Variants in TESK2 observed in about 807,000 individuals in gnomAD.
TESK2 encodes dual specificity testis-specific protein kinase 2.
A neutral mutation model predicts 57.1 loss-of-function variants in TESK2; 39 were observed. That is an observed-to-expected ratio of 0.68 (90% CI 0.53 to 0.89). The LOEUF (loss-of-function observed/expected upper bound fraction) is 0.89. Among genes scored for constraint, TESK2 ranks in the 40% least tolerant of loss-of-function variants. TESK2 has a pLI of 0.00. For missense variants in TESK2, 646 were observed against 732.1 expected (o/e 0.88, Z 1.36); for synonymous variants, 249 against 267.9 (o/e 0.93, Z 0.69).
At position 45,344,861 on chromosome 1, in the gene TESK2, G is replaced by A. The variant is rs1355592145; in HGVS notation, c.1695C>T (p.Thr565=). 2 of 1,613,012 alleles carry A rather than the reference G, an allele frequency of 1.2e-6. No homozygotes were observed. Among genetic ancestry groups the A allele is most frequent in the Non-Finnish European group, 8.5e-7 (1 of 1,179,950 alleles). Reference sequence around the variant, plus strand: ...CCCCTCACCCATCCTGCTTTCCCTGGGTTTGCAGGCCTATGCCTGAGGTGG... The same window carrying A: ...CCCCTCACCCATCCTGCTTTCCCTGAGTTTGCAGGCCTATGCCTGAGGTGG... ...TFSTSGIGLQ[T]QGKQDG Residue 565 remains threonine, a synonymous_variant, in exon 11 of 11, where the codon ACC becomes ACT. Coordinates refer to ENST00000372086, the MANE Select transcript of TESK2 (RefSeq NM_007170.3).
intron 1 of TESK2, among the ~76,000 whole-genome samples, chr1:45,470,832 A>T (rs1331045706): frequency 6.6e-6 from 1 of 152,226 alleles, no homozygotes; most frequent in African/African-American, 2.4e-5. Flanking sequence ...AGTGCTTTAC[A>T]TTTAATATCC....
Position 45,421,901 on chromosome 1 carries a change from G to C in TESK2, c.223-55C>G, listed in dbSNP as rs1227702012. 22 of 1,581,368 alleles carry C rather than the reference G, an allele frequency of 1.4e-5. No homozygotes were observed. In the Admixed American group the frequency reaches 3.5e-4, roughly 25 times the overall value. ...GGTCAAGGGCAATAGTTATATGTGA[G>C]GTCAACATCTCCAAATGTACAATAT... On this transcript the variant is annotated intron_variant, in intron 2 of 10. Transcript: ENST00000372086.
chr1:45,358,724 A>G (rs555529969), intron 4 of TESK2, among the ~76,000 whole-genome samples: 1 of 152,156 alleles, frequency 6.6e-6, no homozygotes, highest in East Asian at 1.9e-4. Context: ...AAATCCAATC[A>G]TCGTGCTATG....
chr1:45,472,251 CAA>C (rs10605872), intron 1 of TESK2, among the ~76,000 whole-genome samples: 27,992 of 123,610 alleles, frequency 0.23, 3,039 homozygotes, highest in Middle Eastern at 0.28. Context: ...GACTCCATCT[CAA>C]AAAAAAAAAA....
At chr1:45,380,379 G>T (rs997852820) in intron 4 of TESK2, among the ~76,000 whole-genome samples, 1 of 152,098 alleles carries the variant, frequency 6.6e-6, no homozygotes, top group African/African-American at 2.4e-5. Flanking sequence ...GCACTAACAG[G>T]TTCCCAAACT....
intron 4 of TESK2, among the ~76,000 whole-genome samples, chr1:45,380,092 G>A (rs978791886): frequency 5.3e-5 from 8 of 152,044 alleles, no homozygotes; most frequent in African/African-American, 1.7e-4. Context: ...TAGAGACGGA[G>A]TTTCACCATG....
At chr1:45,369,632 T>C (rs1400357360) in intron 4 of TESK2, among the ~76,000 whole-genome samples, 3 of 151,856 alleles carry the variant, frequency 2.0e-5, no homozygotes, top group African/African-American at 7.3e-5. Flanking sequence ...GCAGAGAGGA[T>C]GCGGCCGAGA....
chr1:45,344,795 T>G lies in TESK2; in HGVS notation c.*45A>C, dbSNP rs754131108. On this transcript the variant is annotated 3_prime_UTR_variant, in exon 11 of 11. Transcript: ENST00000372086. Reference sequence around the variant, plus strand: ...TGTGCACCTAGGGGGCCATATGGTTTCAGCTGAAGGTCCATCCCCAAGGTG... The same window carrying G: ...TGTGCACCTAGGGGGCCATATGGTTGCAGCTGAAGGTCCATCCCCAAGGTG... 2 of 1,538,082 alleles carry G rather than the reference T, an allele frequency of 1.3e-6. No homozygotes were observed. The highest frequency in any genetic ancestry group is 2.4e-5 in the South Asian group (2 of 83,272).
chr1:45,423,261 C>A (rs1019888721), intron 2 of TESK2, among the ~76,000 whole-genome samples: 19 of 152,170 alleles, frequency 1.2e-4, no homozygotes, highest in Admixed American at 3.3e-4. Flanking sequence ...CCCCCAAGTA[C>A]CATAAAAATC....
At chr1:45,427,332 A>T (rs1396011575) in intron 2 of TESK2, among the ~76,000 whole-genome samples, 2 of 152,100 alleles carry the variant, frequency 1.3e-5, no homozygotes, top group Non-Finnish European at 2.9e-5. Flanking sequence ...TGGTATAGCC[A>T]CTATGGAGAA....
At chr1:45,386,833 T>C (rs1333841259) in intron 3 of TESK2, among the ~76,000 whole-genome samples, 1 of 152,144 alleles carries the variant, frequency 6.6e-6, no homozygotes, top group Non-Finnish European at 1.5e-5. Context: ...TTTGTATTTT[T>C]AGTAGAGACG....
intron 4 of TESK2, among the ~76,000 whole-genome samples, chr1:45,367,140 TAAATA>T (rs148841004): frequency 9.9e-5 from 15 of 151,674 alleles, no homozygotes; most frequent in African/African-American, 3.6e-4. Flanking sequence ...TCTCAAAAAA[TAAATA>T]AAATAAAATA....
At chr1:45,359,035 TATATCTTAATAC>T (rs1647564924) in intron 4 of TESK2, among the ~76,000 whole-genome samples, 2 of 152,252 alleles carry the variant, frequency 1.3e-5, no homozygotes, top group South Asian at 4.1e-4. Context: ...GCCTAAAATT[TATATCTTAATAC>T]ATATTTTTGG....
At chr1:45,487,200 G>A (rs1439598017) in intron 1 of TESK2, among the ~76,000 whole-genome samples, 2 of 152,052 alleles carry the variant, frequency 1.3e-5, no homozygotes, top group African/African-American at 4.8e-5. Context: ...GTGTTTGAGG[G>A]TCTATCCCAA....
At chr1:45,476,091 AT>A (rs1391961318) in intron 1 of TESK2, among the ~76,000 whole-genome samples, 1 of 152,184 alleles carries the variant, frequency 6.6e-6, no homozygotes, top group East Asian at 1.9e-4. Context: ...ATCTTCCTTA[AT>A]AAACTCCCTT....
At chr1:45,359,553 C>T (rs1647587788) in intron 4 of TESK2, among the ~76,000 whole-genome samples, 1 of 143,314 alleles carries the variant, frequency 7.0e-6, no homozygotes, top group Non-Finnish European at 1.5e-5. Flanking sequence ...GAGTGAGACC[C>T]TGTCTTGAAA....
chr1:45,382,035 T>C (rs1411278499), intron 4 of TESK2, among the ~76,000 whole-genome samples: 1 of 151,830 alleles, frequency 6.6e-6, no homozygotes, highest in Non-Finnish European at 1.5e-5. Context: ...CACATCTGGC[T>C]GATTTTTTTA....
intron 1 of TESK2, among the ~76,000 whole-genome samples, chr1:45,473,938 C>T (rs1171338210): frequency 1.3e-5 from 2 of 152,008 alleles, no homozygotes; most frequent in Non-Finnish European, 2.9e-5. Context: ...GCTAGGATTA[C>T]AGGCATGAGC....
intron 1 of TESK2, among the ~76,000 whole-genome samples, chr1:45,468,232 C>G (rs1236377438): frequency 6.6e-6 from 1 of 151,224 alleles, no homozygotes; most frequent in Non-Finnish European, 1.5e-5. Flanking sequence ...AGTGTAGAGA[C>G]CCTATCACAT....
Sources: gnomAD v4.1 joint callset for allele counts (sites outside exome capture counted in the v4.1 genomes callset) on GRCh38, gnomAD v4.1.1 for gene constraint, MANE v1.5 for transcripts, NCBI Gene and HGNC (gene_info 2026-07-23, HGNC 2026-07-21) for gene names.